The following AKAP12 variants were observed in gnomAD, a reference collection of about 807,000 sequenced individuals.
AKAP12 encodes the protein A-kinase anchor protein 12.
AKAP12 carries 32 observed loss-of-function variants against 79.9 expected under a neutral mutation model. The ratio of observed to expected loss-of-function variants is 0.40; its 90% confidence interval spans 0.30 to 0.54. The LOEUF (loss-of-function observed/expected upper bound fraction) is 0.54, where lower values mean the gene tolerates loss of function less well. Among genes scored for constraint, AKAP12 ranks in the 20% least tolerant of loss-of-function variants. The pLI is 0.48. For missense variants in AKAP12, 2,074 were observed against 2,177.0 expected, an observed-to-expected ratio of 0.95 and a Z score of 0.94; for synonymous variants, 808 against 857.0, an observed-to-expected ratio of 0.94 and a Z score of 1.00.
chr6:151,348,597 C>G (rs1373526866), intron 3 of AKAP12, 114 bp from the exon 4 acceptor site: 2 of 771,376 alleles, frequency 2.6e-6, no homozygotes, highest in East Asian at 2.7e-5. Flanking sequence ...CGAGACCACA[C>G]CACTGCCCTC....
chr6:151,331,220 C>G lies in AKAP12; in HGVS notation c.320-17491C>G, dbSNP rs939204200. Reference sequence around the variant, plus strand: ...CATATATTTTCACATTTATTTGACTCCGTTAATATTCCATAGGACTTTTTT... The same window carrying G: ...CATATATTTTCACATTTATTTGACTGCGTTAATATTCCATAGGACTTTTTT... On this transcript the variant is annotated intron_variant, in intron 3 of 4. Coordinates refer to ENST00000402676, the MANE Select transcript of AKAP12 (RefSeq NM_005100.4). Among the ~76,000 whole-genome samples the G allele has an allele frequency of 2.9e-5, 4 of 140,260 alleles. No homozygotes were observed. In the South Asian group the frequency reaches 7.2e-4, roughly 25 times the overall value. 92.0% of individuals were successfully genotyped at this position (140,260 alleles called of 152,430 possible).
chr6:151,351,621 C>G lies in AKAP12; in HGVS notation c.3230C>G (p.Pro1077Arg). The stretch of plus-strand genomic sequence containing the variant: ...GTGCAGAGAGCAGAGGCAGAAAGAC[C>G]AGAAGAGCAGGCTGAAGCGTCGGGT... The part of the protein sequence containing the change: ...QPVQRAEAER[P>R]EEQAEASGLK... Residue 1077 changes from proline to arginine, a missense_variant, in exon 4 of 5, where the codon CCA becomes CGA. Pro to Arg is a moderately radical substitution (Grantham distance 103, BLOSUM62 -2). Transcript: ENST00000402676. This position sits in a 1 kb window ranked among gnomAD's most constrained non-coding sequence, Gnocchi z 4.4. 1 of 1,614,098 alleles carries G rather than the reference C, an allele frequency of 6.2e-7. No individual in the cohort carries two copies.
At position 151,353,221 on chromosome 6, in the gene AKAP12, A is replaced by T. The variant is rs1778349351; in HGVS notation, c.4830A>T (p.Pro1610=). 1 of 1,614,068 alleles carries T rather than the reference A, an allele frequency of 6.2e-7. No homozygotes were observed. Among genetic ancestry groups the T allele is most frequent in the Non-Finnish European group, 8.5e-7 (1 of 1,180,040 alleles). Reference sequence around the variant, plus strand: ...AGGCCTCTGCACAGGATGAAACACCAATTACTTCAGCCAAAGAGGAGTCAG... The same window carrying T: ...AGGCCTCTGCACAGGATGAAACACCTATTACTTCAGCCAAAGAGGAGTCAG... ...EPQASAQDET[P]ITSAKEESES... is the part of the protein sequence containing the mutation. Residue 1610 remains proline, a synonymous_variant, in exon 4 of 5, where the codon CCA becomes CCT. Transcript: ENST00000402676.
chr6:151,301,047 T>C (rs1186029002), intron 2 of AKAP12, among the ~76,000 whole-genome samples: 2 of 152,316 alleles, frequency 1.3e-5, no homozygotes, highest in South Asian at 2.1e-4. Context: ...ATTTCCTCCT[T>C]CTTTCTTGTT....
chr6:151,276,272 G>T (rs536269207), intron 2 of AKAP12, among the ~76,000 whole-genome samples: 1 of 152,218 alleles, frequency 6.6e-6, no homozygotes, highest in Admixed American at 6.5e-5. Context: ...TTGTGTAAAA[G>T]TTCATTTTAA....
chr6:151,286,085 C>T (rs1776500165), intron 2 of AKAP12, among the ~76,000 whole-genome samples: 1 of 152,108 alleles, frequency 6.6e-6, no homozygotes, highest in African/African-American at 2.4e-5. Context: ...ACCATGTTGG[C>T]CAGGCTGGTC....
Position 151,350,375 on chromosome 6 carries a change from G to A in AKAP12, c.1984G>A (p.Glu662Lys). The change falls in exon 4 of 5, where the codon GAA becomes AAA. Residue 662 changes from glutamate (E) to lysine (K), a missense_variant. Physicochemically the swap from Glu to Lys is moderately conservative, Grantham distance 56 (BLOSUM62 1). Around this residue, in one of 3 missense-constraint regions of AKAP12, gnomAD observed 1,428 missense variants for 1,451.0 expected, o/e 0.98. Transcript: ENST00000402676. The surrounding 1 kb of genome is among the most constrained non-coding windows in gnomAD (Gnocchi z 4.8). The stretch of plus-strand genomic sequence containing the variant: ...GCAAGAAGAAATGAAAGGGAGCGTG[G>A]AAGAGCCAAAGCCGGAAGAACCAAA... ...EMQEEMKGSV[E>K]EPKPEEPKRK... 3.1e-6 allele frequency: 5 copies of A among 1,613,824 alleles called. No homozygotes were observed. Among genetic ancestry groups the A allele is most frequent in the Non-Finnish European group, 4.2e-6 (5 of 1,180,008 alleles).
intron 3 of AKAP12, among the ~76,000 whole-genome samples, chr6:151,307,971 C>T (rs906108922): frequency 6.6e-5 from 10 of 151,986 alleles, no homozygotes; most frequent in African/African-American, 1.7e-4. Context: ...GCACATCCCC[C>T]GCCTCCGGCT....
At chr6:151,282,082 C>A (rs1193665394) in intron 2 of AKAP12, among the ~76,000 whole-genome samples, 1 of 150,742 alleles carries the variant, frequency 6.6e-6, no homozygotes, top group Non-Finnish European at 1.5e-5. Context: ...GCTGCCCATA[C>A]ATCTATTTTT....
chr6:151,294,252 G>T (rs1274421495), intron 2 of AKAP12, among the ~76,000 whole-genome samples: 2 of 152,294 alleles, frequency 1.3e-5, no homozygotes, highest in East Asian at 1.9e-4. Flanking sequence ...GATTACAGGC[G>T]TGAGCCACCA....
chr6:151,297,303 G>T (rs978158332), intron 2 of AKAP12, among the ~76,000 whole-genome samples: 1 of 151,916 alleles, frequency 6.6e-6, no homozygotes, highest in African/African-American at 2.4e-5. Context: ...TGGGCTGGGC[G>T]CAGTGGCTCA....
chr6:151,340,633 C>T (rs551822616), intron 3 of AKAP12, among the ~76,000 whole-genome samples: 1 of 53,810 alleles, frequency 1.9e-5, no homozygotes, highest in East Asian at 5.6e-4. Flanking sequence ...GCCTCATGGG[C>T]GAATGTGATG....
At chr6:151,317,436 G>A (rs889834740) in intron 3 of AKAP12, among the ~76,000 whole-genome samples, 1 of 152,030 alleles carries the variant, frequency 6.6e-6, no homozygotes, top group African/African-American at 2.4e-5. Context: ...AACATCTCCC[G>A]AGAAAATAAC....
rs537536832 is a variant in AKAP12 at position 151,292,379 on chromosome 6, A to G, written c.163-13368A>G. Among the ~76,000 whole-genome samples the G allele has an allele frequency of 4.6e-5, 7 of 152,308 alleles. No individual in the cohort carries two copies. In the East Asian group the frequency reaches 5.8e-4, roughly 13 times the overall value. On this transcript the variant is annotated intron_variant, in intron 2 of 4. Coordinates refer to ENST00000402676, the MANE Select transcript of AKAP12 (RefSeq NM_005100.4). ...TAAAAATCAGCAATCAGTTTAAGCA[A>G]TCTGGTTCAAAGGCAGTATAGCTAC...
At chr6:151,274,347 G>A (rs1776251583) in intron 2 of AKAP12, among the ~76,000 whole-genome samples, 1 of 152,184 alleles carries the variant, frequency 6.6e-6, no homozygotes, top group Admixed American at 6.5e-5. Context: ...CCAAAGTGCT[G>A]GGACTACAGG....
intron 2 of AKAP12, among the ~76,000 whole-genome samples, chr6:151,271,003 C>T (rs1035918767): frequency 6.6e-6 from 1 of 152,100 alleles, no homozygotes; most frequent in Non-Finnish European, 1.5e-5. Flanking sequence ...GTTACTGCTT[C>T]TAGTTTGGGG....
intron 3 of AKAP12, among the ~76,000 whole-genome samples, chr6:151,330,734 T>A (rs898969961): frequency 6.6e-6 from 1 of 152,044 alleles, no homozygotes; most frequent in African/African-American, 2.4e-5. Flanking sequence ...CCTTTAAAGT[T>A]TTTTTTTCTT....
At chr6:151,348,634 G>C in intron 3 of AKAP12, 77 bp from the exon 4 acceptor site, 1 of 1,117,202 alleles carries the variant, frequency 9.0e-7, no homozygotes, top group Non-Finnish European at 1.3e-6. Flanking sequence ...GTGAGGCCCT[G>C]TCGGAGAAAA....
At chr6:151,348,680 T>C in intron 3 of AKAP12, 31 bp from the exon 4 acceptor site, 2 of 355,200 alleles carry the variant, frequency 5.6e-6, no homozygotes, top group Non-Finnish European at 5.5e-6. Flanking sequence ...TTTTCTCTTC[T>C]CCCCACCCCC....
Sources: allele counts gnomAD v4.1 joint callset (sites outside exome capture counted in the v4.1 genomes callset), GRCh38; gene constraint gnomAD v4.1.1; regional missense constraint gnomAD v4.1.1; non-coding constraint Gnocchi (gnomAD v3.1); transcripts MANE v1.5; gene names NCBI Gene and HGNC (gene_info 2026-07-23, HGNC 2026-07-21).